FBXW11: variants seen among roughly 807,000 people sequenced by gnomAD.
FBXW11 encodes F-box/WD repeat-containing protein 11.
A neutral mutation model predicts 77.6 loss-of-function variants in FBXW11; 19 were observed. That is an observed-to-expected ratio of 0.24 (90% CI 0.17 to 0.36). The LOEUF (loss-of-function observed/expected upper bound fraction) is 0.36, where lower values mean the gene tolerates loss of function less well. Ranked by LOEUF, FBXW11 falls within the 10% of genes least tolerant of loss-of-function variation. The pLI, the probability that FBXW11 is intolerant of heterozygous loss-of-function variation, is 1.00. For synonymous variants in FBXW11, 235 were observed against 249.4 expected (o/e 0.94, Z 0.54); for missense variants, 334 against 704.2 (o/e 0.47, Z 5.95).
At chr5:171,983,289 GC>G (rs1765250388) in intron 1 of FBXW11, among the ~76,000 whole-genome samples, 1 of 152,150 alleles carries the variant, frequency 6.6e-6, no homozygotes, top group Admixed American at 6.5e-5. Context: ...TGGAAGCTCT[GC>G]CCCATACCTC....
At chr5:171,930,419 T>C (rs1762108360) in intron 2 of FBXW11, among the ~76,000 whole-genome samples, 1 of 152,204 alleles carries the variant, frequency 6.6e-6, no homozygotes, top group African/African-American at 2.4e-5. Flanking sequence ...CTCTAAGTTC[T>C]AGCTAATGCA....
intron 1 of FBXW11, among the ~76,000 whole-genome samples, chr5:172,004,867 G>GCACGCA (rs1554112095): frequency 1.3e-5 from 2 of 149,448 alleles, no homozygotes; most frequent in South Asian, 2.1e-4. Context: ...AACCCCACGT[G>GCACGCA]CACACACACA....
chr5:171,946,070 A>T (rs1385399315), intron 2 of FBXW11, among the ~76,000 whole-genome samples: 1 of 152,180 alleles, frequency 6.6e-6, no homozygotes, highest in East Asian at 1.9e-4. Flanking sequence ...TAATGTAGGT[A>T]AGCCTCATCC....
At chr5:171,894,186 G>C (rs1433279749) in intron 6 of FBXW11, among the ~76,000 whole-genome samples, 20 of 152,154 alleles carry the variant, frequency 1.3e-4, no homozygotes, top group Admixed American at 1.3e-3. Flanking sequence ...TGTCTGGACA[G>C]AGGACGACAA....
At chr5:171,944,543 C>T (rs1473391080) in intron 2 of FBXW11, among the ~76,000 whole-genome samples, 1 of 137,770 alleles carries the variant, frequency 7.3e-6, no homozygotes, top group Non-Finnish European at 1.5e-5. Context: ...CGCCACTGCA[C>T]TCCAGCCTGG....
intron 10 of FBXW11, 57 bp from the exon 11 acceptor site, chr5:171,870,915 CGTAA>C: frequency 1.6e-6 from 2 of 1,282,044 alleles, no homozygotes; most frequent in Non-Finnish European, 2.3e-6. Flanking sequence ...TCACACTATC[CGTAA>C]GTTTTTTATA....
intron 1 of FBXW11, among the ~76,000 whole-genome samples, chr5:172,000,592 C>A (rs1766356139): frequency 6.6e-6 from 1 of 152,148 alleles, no homozygotes; most frequent in African/African-American, 2.4e-5. Flanking sequence ...AGGAGAAAGA[C>A]CTTTTCCACA....
chr5:171,862,435 G>GC lies in FBXW11; in HGVS notation c.*1691dup, dbSNP rs397788141. 6.6e-5 allele frequency: 10 copies of GC among 152,002 alleles called. No homozygotes were observed. The highest frequency in any genetic ancestry group is 1.3e-4 in the Non-Finnish European group (9 of 67,920). 9.4% of individuals were successfully genotyped at this position (152,002 alleles called of 1,614,324 possible). On this transcript the variant is annotated 3_prime_UTR_variant, in exon 14 of 14. Transcript: ENST00000517395. ...TGCAAAGGACAAATCAGAGCCCAGG[G>GC]CCTTCCCTTTAGTAGTAGAGTGTGC...
Position 171,899,146 on chromosome 5 carries a change from T to C in FBXW11, c.624-52A>G, listed in dbSNP as rs1759946363. On this transcript the variant is annotated intron_variant, in intron 5 of 13. Coordinates refer to ENST00000517395, the MANE Select transcript of FBXW11 (RefSeq NM_001378974.1). The stretch of plus-strand genomic sequence containing the variant: ...ACATTTTTGCACATAAAAGGGTGAA[T>C]TTTATCTAAACATGGTGCTGACAAA... 4 of 1,194,282 alleles carry C rather than the reference T, an allele frequency of 3.3e-6. No homozygotes were observed. The East Asian group carries it at 9.5e-5, about 28-fold the overall frequency. The allele number at this position is 1,194,282 out of a possible 1,614,324, so 74.0% of individuals were successfully genotyped here.
intron 6 of FBXW11, among the ~76,000 whole-genome samples, chr5:171,893,848 G>C (rs1447093832): frequency 6.6e-6 from 1 of 152,122 alleles, no homozygotes; most frequent in Non-Finnish European, 1.5e-5. Flanking sequence ...AGGTTTAAGA[G>C]GTATACAATT....
chr5:171,893,921 A>G (rs1561657499), intron 6 of FBXW11, among the ~76,000 whole-genome samples: 1 of 152,122 alleles, frequency 6.6e-6, no homozygotes, highest in Non-Finnish European at 1.5e-5. Context: ...ATGACTAGAA[A>G]AAGCACATTT....
chr5:171,914,522 T>C, intron 2 of FBXW11, 117 bp from the exon 3 acceptor site: 1 of 808,610 alleles, frequency 1.2e-6, no homozygotes, highest in South Asian at 2.2e-5. Context: ...CCAAGAACTA[T>C]TTGGCTTTGT....
chr5:171,988,635 A>C (rs1195973264), intron 1 of FBXW11, among the ~76,000 whole-genome samples: 1 of 152,078 alleles, frequency 6.6e-6, no homozygotes, highest in African/African-American at 2.4e-5. Flanking sequence ...ACTTGAGGTC[A>C]GGAGTTTGAG....
At chr5:171,874,258 A>G (rs972146157) in intron 9 of FBXW11, among the ~76,000 whole-genome samples, 1 of 149,774 alleles carries the variant, frequency 6.7e-6, no homozygotes, top group Non-Finnish European at 1.5e-5. Flanking sequence ...ATAAGCATAC[A>G]ACAAGTTGTT....
chr5:171,942,343 T>C (rs1199592953), intron 2 of FBXW11, among the ~76,000 whole-genome samples: 2 of 151,924 alleles, frequency 1.3e-5, no homozygotes, highest in African/African-American at 2.4e-5. Flanking sequence ...CACACTTCTT[T>C]AGTTTTTTTC....
In FBXW11 at chr5:171,914,416, A is replaced by G. The variant is rs757530066; in HGVS notation, c.148-11T>C. On this transcript the variant is annotated splice_polypyrimidine_tract_variant and intron_variant, in intron 2 of 13. Transcript: ENST00000517395. ...CATAACTGAAGTGTTCTAGGGGGGG[A>G]AAAACAGGTTATTTGAATTATACCA... 4.0e-5 allele frequency: 62 copies of G among 1,566,208 alleles called. No homozygotes were observed. Among genetic ancestry groups the G allele is most frequent in the African/African-American group, 1.2e-4 (9 of 72,050 alleles).
chr5:172,000,248 T>C (rs533402143), intron 1 of FBXW11, among the ~76,000 whole-genome samples: 3 of 152,204 alleles, frequency 2.0e-5, no homozygotes, highest in African/African-American at 7.2e-5. Flanking sequence ...ATGGTAAGAA[T>C]AAGAATTCAA....
At chr5:171,913,467 C>G (rs1474707628) in intron 3 of FBXW11, among the ~76,000 whole-genome samples, 1 of 152,138 alleles carries the variant, frequency 6.6e-6, no homozygotes, top group Non-Finnish European at 1.5e-5. Flanking sequence ...TCAGTCTGTA[C>G]ACAGTGTTAA....
At chr5:171,935,123 T>C (rs991296397) in intron 2 of FBXW11, among the ~76,000 whole-genome samples, 1 of 152,048 alleles carries the variant, frequency 6.6e-6, no homozygotes, top group Non-Finnish European at 1.5e-5. Flanking sequence ...CTGGCTAATT[T>C]TGTTTTTGTA....
Sources: allele counts gnomAD v4.1 joint callset (sites outside exome capture counted in the v4.1 genomes callset), GRCh38; gene constraint gnomAD v4.1.1; transcripts MANE v1.5; gene names NCBI Gene and HGNC (gene_info 2026-07-23, HGNC 2026-07-21).